Variants in ITFG1 observed in about 807,000 individuals in gnomAD.
ITFG1 encodes the protein integrin alpha FG-GAP repeat containing 1, also known as T-cell immunomodulatory protein.
In ITFG1, 34 loss-of-function variants were observed where a neutral mutation model predicts 81.8. The ratio of observed to expected loss-of-function variants is 0.42; its 90% CI spans 0.32 to 0.55. ITFG1 has a LOEUF of 0.55. ITFG1 is among the 20% of genes least tolerant of loss of function. The pLI is 0.17. For missense variants in ITFG1, 672 were observed against 755.4 expected (o/e 0.89, Z 1.29); for synonymous variants, 285 against 270.6 (o/e 1.05, Z -0.52).
intron 6 of ITFG1, among the ~76,000 whole-genome samples, chr16:47,394,733 A>G (rs1968573798): frequency 6.6e-6 from 1 of 152,126 alleles, no homozygotes; most frequent in South Asian, 2.1e-4. Flanking sequence ...ATTAACTTGT[A>G]TTTCTAAAAA....
intron 8 of ITFG1, among the ~76,000 whole-genome samples, chr16:47,329,017 T>C (rs1967601901): frequency 6.6e-6 from 1 of 152,122 alleles, no homozygotes; most frequent in African/African-American, 2.4e-5. Flanking sequence ...AGAAACGTAT[T>C]TAAATATAAA....
At chr16:47,376,423 T>C (rs1436229537) in intron 6 of ITFG1, among the ~76,000 whole-genome samples, 3 of 152,198 alleles carry the variant, frequency 2.0e-5, no homozygotes, top group Non-Finnish European at 1.5e-5. Flanking sequence ...TTTTCAGTAA[T>C]AGAATTGTCT....
intron 7 of ITFG1, among the ~76,000 whole-genome samples, chr16:47,370,076 G>A (rs1432593057): frequency 4.0e-5 from 6 of 151,878 alleles, no homozygotes; most frequent in African/African-American, 1.5e-4. Context: ...TCCTGACCTC[G>A]TGATCCACCC....
At chr16:47,400,231 G>A (rs1297244668) in intron 6 of ITFG1, among the ~76,000 whole-genome samples, 2 of 152,158 alleles carry the variant, frequency 1.3e-5, no homozygotes, top group East Asian at 1.9e-4. Context: ...ATTCAAATAT[G>A]TACTACTAGA....
At chr16:47,210,873 T>G (rs550729162) in intron 14 of ITFG1, among the ~76,000 whole-genome samples, 1 of 152,208 alleles carries the variant, frequency 6.6e-6, no homozygotes, top group Admixed American at 6.5e-5. Context: ...GTCTTGAAAT[T>G]ACATAGACGA....
At chr16:47,245,410 CT>C (rs1194332097) in intron 12 of ITFG1, among the ~76,000 whole-genome samples, 2 of 151,828 alleles carry the variant, frequency 1.3e-5, no homozygotes, top group African/African-American at 4.8e-5. Flanking sequence ...TTCCCCCACA[CT>C]TATTACTTCA....
At chr16:47,377,207 G>C (rs932958228) in intron 6 of ITFG1, among the ~76,000 whole-genome samples, 3 of 151,982 alleles carry the variant, frequency 2.0e-5, no homozygotes, top group Admixed American at 6.6e-5. Flanking sequence ...ATAATTAGTT[G>C]AACTCAAAAC....
chr16:47,324,229 C>A (rs1427349897), intron 8 of ITFG1, among the ~76,000 whole-genome samples: 1 of 151,772 alleles, frequency 6.6e-6, no homozygotes. Flanking sequence ...TCATATCCAG[C>A]CAAACTAAGC....
chr16:47,289,178 T>C (rs999425010), intron 10 of ITFG1, among the ~76,000 whole-genome samples: 3 of 152,214 alleles, frequency 2.0e-5, no homozygotes, highest in African/African-American at 7.2e-5. Flanking sequence ...AGTTTAGCCA[T>C]CCTTATATTC....
chr16:47,328,594 G>C (rs1024115906), intron 8 of ITFG1, among the ~76,000 whole-genome samples: 4 of 151,958 alleles, frequency 2.6e-5, no homozygotes, highest in African/African-American at 4.8e-5. Flanking sequence ...AAAATACTTA[G>C]TATATCCTTG....
rs555317693 is a variant in ITFG1 at position 47,445,760 on chromosome 16, A to G, written c.560+5636T>C. 7.2e-5 allele frequency among the ~76,000 whole-genome samples: 11 copies of G among 152,320 alleles called. No homozygotes were observed. In the South Asian group the frequency reaches 1.0e-3, roughly 14 times the overall value. On this transcript the variant is annotated intron_variant, in intron 5 of 17. Coordinates refer to ENST00000320640, the MANE Select transcript of ITFG1 (RefSeq NM_030790.5). The stretch of plus-strand genomic sequence containing the variant: ...GACATGCAGTTTCTGCCTATGTTTC[A>G]TGGAATGCTTTTGAAAAGCACCCAT...
intron 14 of ITFG1, among the ~76,000 whole-genome samples, chr16:47,172,699 A>G (rs1964976557): frequency 6.6e-6 from 1 of 152,178 alleles, no homozygotes; most frequent in Admixed American, 6.5e-5. Flanking sequence ...TACAAACTCT[A>G]GACACTAATT....
intron 5 of ITFG1, among the ~76,000 whole-genome samples, chr16:47,440,324 C>G (rs910147927): frequency 2.0e-5 from 3 of 152,174 alleles, no homozygotes; most frequent in Non-Finnish European, 2.9e-5. Context: ...CTCAGCTCTG[C>G]ACCAAGCGGA....
intron 10 of ITFG1, among the ~76,000 whole-genome samples, chr16:47,272,088 G>C (rs1490312484): frequency 1.3e-5 from 2 of 152,100 alleles, no homozygotes; most frequent in Non-Finnish European, 2.9e-5. Flanking sequence ...AGAAAGAAAG[G>C]AATACTGCTA....
intron 8 of ITFG1, among the ~76,000 whole-genome samples, chr16:47,331,041 T>C (rs1255320328): frequency 6.6e-6 from 1 of 152,138 alleles, no homozygotes; most frequent in East Asian, 1.9e-4. Flanking sequence ...ATCACAGCAC[T>C]GTTCACAATA....
intron 5 of ITFG1, among the ~76,000 whole-genome samples, chr16:47,437,049 A>T (rs1221445075): frequency 6.6e-6 from 1 of 152,234 alleles, no homozygotes; most frequent in Non-Finnish European, 1.5e-5. Context: ...CGGTTTAATA[A>T]AATATTTCTA....
At chr16:47,388,928 G>GT (rs1289308162) in intron 6 of ITFG1, among the ~76,000 whole-genome samples, 1 of 152,158 alleles carries the variant, frequency 6.6e-6, no homozygotes. Context: ...CACAAGACTG[G>GT]TAAGTTTAGG....
At chr16:47,277,520 A>G (rs1482841120) in intron 10 of ITFG1, among the ~76,000 whole-genome samples, 2 of 152,238 alleles carry the variant, frequency 1.3e-5, no homozygotes, top group Non-Finnish European at 2.9e-5. Context: ...AAAATTCCAC[A>G]TAAGTGCATC....
chr16:47,369,328 T>C (rs150179559), intron 7 of ITFG1, among the ~76,000 whole-genome samples: 108 of 152,332 alleles, frequency 7.1e-4, no homozygotes, highest in African/African-American at 2.2e-3. Flanking sequence ...TGAAAAGTTA[T>C]GTCACTTTGG....
Sources: gnomAD v4.1 joint callset for allele counts (sites outside exome capture counted in the v4.1 genomes callset) on GRCh38, gnomAD v4.1.1 for gene constraint, MANE v1.5 for transcripts, NCBI Gene and HGNC (gene_info 2026-07-23, HGNC 2026-07-21) for gene names.